SNTB1: variants seen among roughly 807,000 people sequenced by gnomAD.
The protein encoded by SNTB1 is beta-1-syntrophin.
In SNTB1, 36 loss-of-function variants were observed where a neutral mutation model predicts 48.9. That is an observed-to-expected ratio of 0.74 (90% CI 0.56 to 0.97). The LOEUF (loss-of-function observed/expected upper bound fraction) is 0.97, where lower values mean the gene tolerates loss of function less well. Ranked by LOEUF, SNTB1 falls within the 50% of genes least tolerant of loss-of-function variation. SNTB1 has a pLI of 0.00. For missense variants in SNTB1, 786 were observed against 703.4 expected, an observed-to-expected ratio of 1.12 and a Z score of -1.33; for synonymous variants, 299 against 294.6, an observed-to-expected ratio of 1.01 and a Z score of -0.15.
intron 1 of SNTB1, among the ~76,000 whole-genome samples, chr8:120,747,228 A>G (rs1233971657): frequency 6.6e-6 from 1 of 152,198 alleles, no homozygotes; most frequent in Admixed American, 6.5e-5. Flanking sequence ...GATGGAGTTG[A>G]AGGCCATTAT....
At chr8:120,565,578 G>A (rs925900640) in intron 4 of SNTB1, among the ~76,000 whole-genome samples, 18 of 152,306 alleles carry the variant, frequency 1.2e-4, no homozygotes, top group African/African-American at 3.6e-4. Flanking sequence ...ATGCTAGAAG[G>A]TCATCTAAGT....
intron 1 of SNTB1, among the ~76,000 whole-genome samples, chr8:120,718,170 G>A (rs1411911107): frequency 6.6e-6 from 1 of 152,208 alleles, no homozygotes; most frequent in Non-Finnish European, 1.5e-5. Flanking sequence ...TGATTTGATT[G>A]GATTGAAGGA....
chr8:120,542,867 C>A (rs1347098233), intron 5 of SNTB1, among the ~76,000 whole-genome samples: 2 of 152,026 alleles, frequency 1.3e-5, no homozygotes, highest in Non-Finnish European at 2.9e-5. Flanking sequence ...TATAAAAAAT[C>A]TCTTTTTAGA....
intron 1 of SNTB1, among the ~76,000 whole-genome samples, chr8:120,805,558 T>TAA (rs112260448): frequency 1.8e-4 from 27 of 148,216 alleles, no homozygotes; most frequent in African/African-American, 6.6e-4. Flanking sequence ...AAATAAAAAT[T>TAA]AAAAAAAAAA....
chr8:120,647,530 A>C (rs2129698563), intron 2 of SNTB1, among the ~76,000 whole-genome samples: 1 of 148,988 alleles, frequency 6.7e-6, no homozygotes, highest in South Asian at 2.1e-4. Flanking sequence ...GGTCTGAGAG[A>C]TAGTTTGTTA....
chr8:120,736,450 C>T (rs746950333), intron 1 of SNTB1, among the ~76,000 whole-genome samples: 1 of 152,080 alleles, frequency 6.6e-6, no homozygotes, highest in Non-Finnish European at 1.5e-5. Context: ...GCAAGGAGGC[C>T]AAAAAGAATA....
intron 6 of SNTB1, chr8:120,541,306 C>G (rs1296262379): frequency 2.0e-5 from 3 of 152,430 alleles, no homozygotes; most frequent in Non-Finnish European, 2.9e-5. Flanking sequence ...CTCTGGCCCT[C>G]TCTCCACTCC....
chr8:120,728,300 T>C (rs1818794742), intron 1 of SNTB1, among the ~76,000 whole-genome samples: 1 of 152,232 alleles, frequency 6.6e-6, no homozygotes, highest in Admixed American at 6.5e-5. Context: ...GGCTGTGAAG[T>C]ATTTTTTAAA....
In SNTB1 at chr8:120,610,146, C is replaced by CT. The variant is rs397974441; in HGVS notation, c.996+22297dup. On this transcript the variant is annotated intron_variant, in intron 3 of 6. Transcript: ENST00000517992. ...TATTATTCACTATTTGATTTTGAAA[C>CT]TTTTTTTTTTGAGATAGTCTCACTC... Among the ~76,000 whole-genome samples the CT allele has an allele frequency of 2.2e-3, 330 of 150,084 alleles. 2 individuals carry two copies. Among genetic ancestry groups the CT allele is most frequent in the African/African-American group, 6.9e-3 (283 of 41,010 alleles).
At chr8:120,735,225 T>C (rs1043842268) in intron 1 of SNTB1, among the ~76,000 whole-genome samples, 4 of 151,976 alleles carry the variant, frequency 2.6e-5, no homozygotes, top group Admixed American at 6.6e-5. Context: ...TGCAGGAGAA[T>C]AGGAGAGTGG....
At chr8:120,632,391 G>A (rs1222711133) in intron 3 of SNTB1, 53 bp downstream of exon 3, 12 of 1,506,452 alleles carry the variant, frequency 8.0e-6, no homozygotes, top group Non-Finnish European at 1.0e-5. Context: ...GGTTATGAGC[G>A]CTGGGGGAAT....
chr8:120,564,951 G>C (rs1303371917), intron 4 of SNTB1, among the ~76,000 whole-genome samples: 1 of 152,114 alleles, frequency 6.6e-6, no homozygotes, highest in Non-Finnish European at 1.5e-5. Context: ...GGCTTGCCTG[G>C]GCAAAACTGC....
chr8:120,712,414 CAAAAAAAAA>C (rs370583854), intron 1 of SNTB1, among the ~76,000 whole-genome samples: 1 of 81,370 alleles, frequency 1.2e-5, no homozygotes, highest in Non-Finnish European at 2.7e-5. Context: ...GACTCCATCT[CAAAAAAAAA>C]AAAAAAAAAA....
intron 2 of SNTB1, among the ~76,000 whole-genome samples, chr8:120,660,391 G>A (rs1357281860): frequency 6.6e-6 from 1 of 152,204 alleles, no homozygotes; most frequent in Non-Finnish European, 1.5e-5. Flanking sequence ...CTATGTTACA[G>A]AGATGGCTTA....
chr8:120,542,033 T>C (rs1462504179), intron 5 of SNTB1, 33 bp from the exon 6 acceptor site: 2 of 1,573,530 alleles, frequency 1.3e-6, no homozygotes, highest in Non-Finnish European at 1.7e-6. Context: ...AAGAGACAAG[T>C]ATGAACCATG....
At chr8:120,640,892 A>G (rs1817183206) in intron 2 of SNTB1, among the ~76,000 whole-genome samples, 1 of 152,168 alleles carries the variant, frequency 6.6e-6, no homozygotes, top group African/African-American at 2.4e-5. Flanking sequence ...AGCCTCATAA[A>G]ATGAGTTAGG....
chr8:120,810,496 A>G (rs1012172311), intron 1 of SNTB1, among the ~76,000 whole-genome samples: 1 of 152,218 alleles, frequency 6.6e-6, no homozygotes, highest in African/African-American at 2.4e-5. Context: ...TACAAATGCA[A>G]AGTTGTTTCC....
intron 1 of SNTB1, among the ~76,000 whole-genome samples, chr8:120,797,897 C>T (rs1171003150): frequency 6.6e-6 from 1 of 151,958 alleles, no homozygotes; most frequent in African/African-American, 2.4e-5. Context: ...GTTTGTACAC[C>T]TTTATTCCAC....
chr8:120,576,963 C>T (rs779738554), intron 3 of SNTB1, among the ~76,000 whole-genome samples: 5 of 152,232 alleles, frequency 3.3e-5, no homozygotes, highest in Middle Eastern at 3.4e-3. Flanking sequence ...CAGATGGTAA[C>T]GCCCTCAGTA....
Sources: allele counts gnomAD v4.1 joint callset (sites outside exome capture counted in the v4.1 genomes callset), GRCh38; gene constraint gnomAD v4.1.1; transcripts MANE v1.5; gene names NCBI Gene and HGNC (gene_info 2026-07-23, HGNC 2026-07-21).